SYT10: variants seen among roughly 807,000 people sequenced by gnomAD.
The protein encoded by SYT10 is synaptotagmin-10.
SYT10 carries 31 observed loss-of-function variants against 51.1 expected under a neutral mutation model. The observed-to-expected ratio is 0.61, with a 90% CI of 0.46 to 0.82. The LOEUF (loss-of-function observed/expected upper bound fraction) is 0.82. Among genes scored for constraint, SYT10 ranks in the 40% least tolerant of loss-of-function variants. The pLI, the probability that SYT10 is intolerant of heterozygous loss-of-function variation, is 0.00. For synonymous variants in SYT10, 233 were observed against 225.9 expected (o/e 1.03, Z -0.28); for missense variants, 603 against 634.0 (o/e 0.95, Z 0.53).
intron 2 of SYT10, among the ~76,000 whole-genome samples, chr12:33,420,529 G>A (rs1355570790): frequency 6.6e-6 from 1 of 151,996 alleles, no homozygotes; most frequent in East Asian, 1.9e-4. Context: ...GTGCGTGCCT[G>A]TAGTCCTGGC....
chr12:33,403,932 CCAAA>C (rs1866329150), intron 3 of SYT10, among the ~76,000 whole-genome samples: 1 of 151,938 alleles, frequency 6.6e-6, no homozygotes, highest in Non-Finnish European at 1.5e-5. Context: ...TATTATGTTC[CCAAA>C]CAAAAACCCA....
chr12:33,392,543 C>T (rs890548121), intron 3 of SYT10, among the ~76,000 whole-genome samples: 1 of 152,114 alleles, frequency 6.6e-6, no homozygotes, highest in African/African-American at 2.4e-5. Flanking sequence ...GCTTCTATCA[C>T]AAAACCTAGT....
chr12:33,390,349 G>A (rs933941995), intron 3 of SYT10, among the ~76,000 whole-genome samples: 7 of 152,082 alleles, frequency 4.6e-5, no homozygotes, highest in Non-Finnish European at 1.0e-4. Context: ...AAGGCCATAC[G>A]GGATAATAAA....
intron 1 of SYT10, among the ~76,000 whole-genome samples, chr12:33,436,721 C>A (rs1866641085): frequency 6.6e-6 from 1 of 152,158 alleles, no homozygotes; most frequent in African/African-American, 2.4e-5. Context: ...ATGATTTTAA[C>A]TGGAATTACC....
intron 4 of SYT10, among the ~76,000 whole-genome samples, 192 bp from the exon 5 acceptor site, chr12:33,382,712 A>G (rs137913722): frequency 8.5e-5 from 13 of 152,328 alleles, no homozygotes; most frequent in African/African-American, 2.9e-4. Context: ...AAAATGGTCT[A>G]GAGTAAGAAG....
intron 1 of SYT10, among the ~76,000 whole-genome samples, chr12:33,436,181 TA>T (rs1183081870): frequency 6.6e-6 from 1 of 152,166 alleles, no homozygotes; most frequent in Non-Finnish European, 1.5e-5. Context: ...AATCAGAAAT[TA>T]AGCTAAATCC....
intron 2 of SYT10, among the ~76,000 whole-genome samples, 177 bp from the exon 3 acceptor site, chr12:33,407,533 TA>T (rs1276108792): frequency 6.6e-6 from 1 of 152,200 alleles, no homozygotes; most frequent in Non-Finnish European, 1.5e-5. Flanking sequence ...AGAAGTACAA[TA>T]TTCAAAGAGA....
chr12:33,384,854 C>A (rs1394981299), intron 4 of SYT10, among the ~76,000 whole-genome samples: 1 of 152,080 alleles, frequency 6.6e-6, no homozygotes, highest in African/African-American at 2.4e-5. Flanking sequence ...TAAGAATCTT[C>A]CTTTATAAAA....
At chr12:33,377,053 C>A (rs1866069046) in intron 6 of SYT10, 152 bp from the exon 7 acceptor site, 6 of 767,712 alleles carry the variant, frequency 7.8e-6, no homozygotes, top group Non-Finnish European at 1.3e-5. Flanking sequence ...TCAGAACTTA[C>A]CTTCTCTGCT....
At chr12:33,392,985 T>TAAAAAAA (rs71068378) in intron 3 of SYT10, among the ~76,000 whole-genome samples, 1,167 of 59,002 alleles carry the variant, frequency 0.02, 44 homozygotes, top group African/African-American at 0.053. Flanking sequence ...TTTTTGCCAT[T>TAAAAAAA]AAAAAAAAAA....
At chr12:33,397,889 A>T (rs891310508) in intron 3 of SYT10, among the ~76,000 whole-genome samples, 2 of 152,156 alleles carry the variant, frequency 1.3e-5, no homozygotes, top group Non-Finnish European at 2.9e-5. Context: ...TCAATAAGAA[A>T]GCTTGTGGGC....
chr12:33,412,376 C>T (rs920261578), intron 2 of SYT10, among the ~76,000 whole-genome samples: 2 of 150,962 alleles, frequency 1.3e-5, no homozygotes, highest in African/African-American at 4.9e-5. Context: ...TAAACTATTG[C>T]CATGACAACA....
chr12:33,438,007 C>T (rs1310570693), intron 1 of SYT10, among the ~76,000 whole-genome samples: 2 of 152,072 alleles, frequency 1.3e-5, no homozygotes, highest in African/African-American at 4.8e-5. Flanking sequence ...CAAGTGCAGA[C>T]AGAGCCCCCT....
At chr12:33,381,680 G>A (rs1243475611) in intron 5 of SYT10, among the ~76,000 whole-genome samples, 2 of 152,104 alleles carry the variant, frequency 1.3e-5, no homozygotes, top group Non-Finnish European at 2.9e-5. Context: ...TCCAGGCAAC[G>A]GGGAGAGTGG....
intron 3 of SYT10, among the ~76,000 whole-genome samples, chr12:33,398,738 A>G (rs530831628): frequency 6.6e-6 from 1 of 152,310 alleles, no homozygotes; most frequent in East Asian, 1.9e-4. Context: ...AACCTACCAT[A>G]AAATATATCC....
chr12:33,414,715 C>T (rs1045187950), intron 2 of SYT10, among the ~76,000 whole-genome samples: 1 of 152,150 alleles, frequency 6.6e-6, no homozygotes, highest in African/African-American at 2.4e-5. Flanking sequence ...TAAATGCCCA[C>T]AAGAGAAAGC....
At chr12:33,389,845 A>G (rs1866188570) in intron 3 of SYT10, among the ~76,000 whole-genome samples, 1 of 152,210 alleles carries the variant, frequency 6.6e-6, no homozygotes, top group South Asian at 2.1e-4. Flanking sequence ...CTGCCCACAC[A>G]ATAAGCTACA....
rs758013359 is a variant in SYT10 at position 33,382,346 on chromosome 12, T to G, written c.1370+3A>C. 6.3e-7 allele frequency: 1 copy of G among 1,590,482 alleles called. No homozygotes were observed. Among genetic ancestry groups the G allele is most frequent in the African/African-American group, 1.4e-5 (1 of 73,592 alleles). On this transcript the variant is annotated splice_donor_region_variant and intron_variant, in intron 5 of 6. Transcript: ENST00000228567. ...TCTTCAGTGAGAAGAGAGATACACA[T>G]ACCTATCGTAATCCATGACCGCAAT...
In SYT10 at chr12:33,382,471, C is replaced by G; in HGVS notation, c.1248G>C (p.Lys416Asn). 6.2e-7 allele frequency: 1 copy of G among 1,613,068 alleles called. No homozygotes were observed. Among genetic ancestry groups the G allele is most frequent in the Non-Finnish European group, 8.5e-7 (1 of 1,179,480 alleles). ...TGTTTTTCTTTGTAGTTGTTTTCCT[C>G]TTTTTTAATCTTCGACCTTCACACA... The part of the protein sequence containing the change: ...SLMCEGRRLK[K>N]RKTTTKKNTL... The change falls in exon 5 of 7, where the codon AAG (lysine) becomes AAC (asparagine). Residue 416 changes from lysine (K) to asparagine (N), a missense_variant. By Grantham distance (94) the Lys-to-Asn change is moderately conservative (BLOSUM62 0). Coordinates refer to ENST00000228567, the MANE Select transcript of SYT10 (RefSeq NM_198992.4).
Sources: gnomAD v4.1 joint callset for allele counts (sites outside exome capture counted in the v4.1 genomes callset) on GRCh38, gnomAD v4.1.1 for gene constraint, MANE v1.5 for transcripts, NCBI Gene and HGNC (gene_info 2026-07-23, HGNC 2026-07-21) for gene names.